NEMP2: variants seen among roughly 807,000 people sequenced by gnomAD.
The protein encoded by NEMP2 is nuclear envelope integral membrane protein 2.
In NEMP2, 53 loss-of-function variants were observed where a neutral mutation model predicts 54.2. That is an observed-to-expected ratio of 0.98 (90% CI 0.78 to 1.23). NEMP2 has a LOEUF of 1.23. NEMP2 is among the 50% of genes most tolerant of loss of function. The pLI is 0.00. For synonymous variants in NEMP2, 197 were observed against 190.3 expected (o/e 1.04, Z -0.29); for missense variants, 455 against 511.3 (o/e 0.89, Z 1.06).
the NEMP2 span, among the ~76,000 whole-genome samples, chr2:190,591,033 T>G: frequency 2.6e-5 from 4 of 152,134 alleles, no homozygotes; most frequent in Non-Finnish European, 5.9e-5. This position sits in a 1 kb window ranked among gnomAD's most constrained non-coding sequence, Gnocchi z 5.4. Flanking sequence ...AGTGATAACT[T>G]TGTGACATAT....
At chr2:190,470,974 T>C in the NEMP2 span, among the ~76,000 whole-genome samples, 7 of 152,182 alleles carry the variant, frequency 4.6e-5, no homozygotes, top group Admixed American at 4.6e-4. Flanking sequence ...AAGGAGATTC[T>C]GTTTACAAAT....
chr2:190,459,598 C>T, the NEMP2 span, among the ~76,000 whole-genome samples: 2 of 152,124 alleles, frequency 1.3e-5, no homozygotes, highest in East Asian at 1.9e-4. This position sits in a 1 kb window ranked among gnomAD's most constrained non-coding sequence, Gnocchi z 5.3. Context: ...TTTTAAACAT[C>T]TCTAGTTTTC....
the NEMP2 span, among the ~76,000 whole-genome samples, chr2:190,490,278 C>T: frequency 6.9e-6 from 1 of 144,562 alleles, no homozygotes; most frequent in Non-Finnish European, 1.5e-5. This position sits in a 1 kb window ranked among gnomAD's most constrained non-coding sequence, Gnocchi z 4.5. Context: ...AAAAAAAAAA[C>T]AATGGCCGGG....
rs1364469146 is a variant in NEMP2 at position 190,531,122 on chromosome 2, T to C, written c.97+3437A>G. ...AATCCAGGAAATGAAACAGAATTTC[T>C]AGGAATTTTTAAAAATCTAACAATA... On this transcript the variant is annotated intron_variant, in intron 1 of 8. Coordinates refer to ENST00000409150, the MANE Select transcript of NEMP2 (RefSeq NM_001142645.2). This position sits in a 1 kb window ranked among gnomAD's most constrained non-coding sequence, Gnocchi z 4.7. Among the ~76,000 whole-genome samples the C allele has an allele frequency of 1.3e-5, 2 of 152,206 alleles. No individual in the cohort carries two copies. The highest frequency in any genetic ancestry group is 2.9e-5 in the Non-Finnish European group (2 of 68,036).
Position 190,510,928 on chromosome 2 carries a change from CAG to C in NEMP2, c.954-393_954-392del, listed in dbSNP as rs1342866591. The stretch of plus-strand genomic sequence containing the variant: ...CAAAAATACATTTCTTAGATGGTAA[CAG>C]TAATAATACTTCTTAACTTCCTCTA... On this transcript the variant is annotated intron_variant, in intron 7 of 8. Transcript: ENST00000409150. The surrounding 1 kb of genome is among the most constrained non-coding windows in gnomAD (Gnocchi z 5.7). Among the ~76,000 whole-genome samples, 1 of 151,134 alleles carries C rather than the reference CAG, an allele frequency of 6.6e-6. No individual in the cohort carries two copies. Among genetic ancestry groups the C allele is most frequent in the Non-Finnish European group, 1.5e-5 (1 of 67,766 alleles).
the NEMP2 span, among the ~76,000 whole-genome samples, chr2:190,563,366 G>A: frequency 6.6e-6 from 1 of 152,102 alleles, no homozygotes; most frequent in Non-Finnish European, 1.5e-5. The surrounding 1 kb of genome is among the most constrained non-coding windows in gnomAD (Gnocchi z 4.3). Context: ...GCAGGTAGAC[G>A]TTTTCACACT....
chr2:190,519,285 G>A lies in NEMP2; in HGVS notation c.214-102C>T. ...TGCCCAGAATGGAGTGCAGTGGCAG[G>A]ATCTCTGCTCACTGCAACCTGTGCC... is the stretch of plus-strand genomic sequence containing the variant. On this transcript the variant is annotated intron_variant, in intron 2 of 8. Coordinates refer to ENST00000409150, the MANE Select transcript of NEMP2 (RefSeq NM_001142645.2). This position sits in a 1 kb window ranked among gnomAD's most constrained non-coding sequence, Gnocchi z 5.4. 1.2e-6 allele frequency: 1 copy of A among 810,528 alleles called. No individual in the cohort carries two copies. Among genetic ancestry groups the A allele is most frequent in the South Asian group, 1.7e-5 (1 of 57,910 alleles). 50.2% of individuals were successfully genotyped at this position (810,528 alleles called of 1,614,324 possible).
chr2:190,489,927 T>TG, the NEMP2 span: 1 of 1,359,022 alleles, frequency 7.4e-7, no homozygotes, highest in Admixed American at 2.5e-5. The surrounding 1 kb of genome is among the most constrained non-coding windows in gnomAD (Gnocchi z 6.6). Context: ...AGTCAACAAA[T>TG]GCCCCGAGAA....
At chr2:190,455,304 C>A in the NEMP2 span, among the ~76,000 whole-genome samples, 1 of 152,068 alleles carries the variant, frequency 6.6e-6, no homozygotes, top group African/African-American at 2.4e-5. Context: ...TATTAGAAAT[C>A]TAACGTTTTA....
At chr2:190,623,657 A>C in the NEMP2 span, among the ~76,000 whole-genome samples, 1 of 152,234 alleles carries the variant, frequency 6.6e-6, no homozygotes, top group African/African-American at 2.4e-5. Flanking sequence ...CATATCAAAA[A>C]TTAAATCAAA....
the NEMP2 span, chr2:190,628,644 T>G: frequency 1.3e-5 from 2 of 152,210 alleles, no homozygotes; most frequent in Admixed American, 6.6e-5. This position sits in a 1 kb window ranked among gnomAD's most constrained non-coding sequence, Gnocchi z 4.1. Flanking sequence ...AGGAAAGATG[T>G]GCATGGGGAG....
At chr2:190,546,104 T>A in the NEMP2 span, among the ~76,000 whole-genome samples, 1 of 152,218 alleles carries the variant, frequency 6.6e-6, no homozygotes. The surrounding 1 kb of genome is among the most constrained non-coding windows in gnomAD (Gnocchi z 5.1). Flanking sequence ...TTAGTCATGT[T>A]TCAAAAGAAA....
chr2:190,604,508 G>A, the NEMP2 span, among the ~76,000 whole-genome samples: 2 of 152,260 alleles, frequency 1.3e-5, no homozygotes, highest in African/African-American at 4.8e-5. The surrounding 1 kb of genome is among the most constrained non-coding windows in gnomAD (Gnocchi z 4.5). Context: ...ACTCAGCCCA[G>A]TGCCGTTGGG....
the NEMP2 span, chr2:190,624,914 C>G: frequency 6.6e-6 from 1 of 152,160 alleles, no homozygotes; most frequent in East Asian, 1.9e-4. Flanking sequence ...GAAACCACTT[C>G]ACATCCATTA....
the NEMP2 span, among the ~76,000 whole-genome samples, chr2:190,632,941 C>T: frequency 6.6e-6 from 1 of 152,230 alleles, no homozygotes; most frequent in African/African-American, 2.4e-5. The surrounding 1 kb of genome is among the most constrained non-coding windows in gnomAD (Gnocchi z 4.8). Context: ...TGCCTTCCCA[C>T]CCACCGTTGC....
the NEMP2 span, among the ~76,000 whole-genome samples, chr2:190,470,785 T>A: frequency 6.6e-6 from 1 of 152,158 alleles, no homozygotes; most frequent in African/African-American, 2.4e-5. Context: ...ATTATACATC[T>A]AAACAGAATG....
In NEMP2 at chr2:190,517,626, G is replaced by A. The variant is rs893963882; in HGVS notation, c.519-13C>T. ...GAAAGTAGGGCTTCTGTCAAGATAA[G>A]CAGATAAAAGCTATTTAAATGCCAA... On this transcript the variant is annotated splice_polypyrimidine_tract_variant and intron_variant, in intron 4 of 8. Coordinates refer to ENST00000409150, the MANE Select transcript of NEMP2 (RefSeq NM_001142645.2). The A allele has an allele frequency of 9.8e-6, 15 of 1,533,868 alleles. No individual in the cohort carries two copies. In the African/African-American group the frequency reaches 1.9e-4, roughly 20 times the overall value.
At chr2:190,478,167 G>A in the NEMP2 span, among the ~76,000 whole-genome samples, 3 of 152,158 alleles carry the variant, frequency 2.0e-5, no homozygotes, top group Admixed American at 1.3e-4. Flanking sequence ...CCTAGGGCAG[G>A]CTACGATACA....
chr2:190,441,720 C>T, the NEMP2 span, among the ~76,000 whole-genome samples: 1 of 152,104 alleles, frequency 6.6e-6, no homozygotes, highest in African/African-American at 2.4e-5. Context: ...AGACTCTCAG[C>T]CTTGTCTCCT....
Sources: allele counts gnomAD v4.1 joint callset (sites outside exome capture counted in the v4.1 genomes callset), GRCh38; gene constraint gnomAD v4.1.1; non-coding constraint Gnocchi (gnomAD v3.1); transcripts MANE v1.5; gene names NCBI Gene and HGNC (gene_info 2026-07-23, HGNC 2026-07-21).